PLCXD3: variants seen among roughly 807,000 people sequenced by gnomAD.
PLCXD3 encodes PI-PLC X domain-containing protein 3.
Under a neutral mutation model 25.5 loss-of-function variants are expected in PLCXD3, and 19 were observed. The observed-to-expected ratio is 0.75, with a 90% CI of 0.52 to 1.09. The LOEUF is 1.09. Among genes scored for constraint, PLCXD3 ranks in the 50% least tolerant of loss-of-function variants. PLCXD3 has a pLI of 0.00. For synonymous variants in PLCXD3, 174 were observed against 137.6 expected (o/e 1.26, Z -1.85); for missense variants, 411 against 388.1 (o/e 1.06, Z -0.50).
At chr5:41,470,519 G>A (rs1461506320) in intron 1 of PLCXD3, among the ~76,000 whole-genome samples, 4 of 152,136 alleles carry the variant, frequency 2.6e-5, no homozygotes, top group Admixed American at 2.0e-4. Flanking sequence ...CAACTGGGCA[G>A]GAATTTTTCC....
At chr5:41,317,735 A>G (rs1743344832) in intron 2 of PLCXD3, among the ~76,000 whole-genome samples, 1 of 152,020 alleles carries the variant, frequency 6.6e-6, no homozygotes, top group Non-Finnish European at 1.5e-5. Context: ...ATACTAAAGA[A>G]TGCATCAGAG....
At chr5:41,363,308 A>G (rs1005580921) in intron 2 of PLCXD3, among the ~76,000 whole-genome samples, 3 of 152,180 alleles carry the variant, frequency 2.0e-5, no homozygotes, top group Non-Finnish European at 2.9e-5. Context: ...AAGTACAGTC[A>G]CTAGCATACA....
At chr5:41,366,575 T>C (rs1744942880) in intron 2 of PLCXD3, among the ~76,000 whole-genome samples, 2 of 152,202 alleles carry the variant, frequency 1.3e-5, no homozygotes, top group Admixed American at 1.3e-4. Flanking sequence ...TTCAAACTAT[T>C]TCAACACACA....
At position 41,311,689 on chromosome 5, in the gene PLCXD3, C is replaced by T. The variant is rs148517969; in HGVS notation, c.*1928G>A. On this transcript the variant is annotated 3_prime_UTR_variant, in exon 3 of 3. Transcript: ENST00000377801. ...TTGGTATACCACAGGTACATACACA[C>T]TCCTCATAAACATTCTCTTCAGTAT... The T allele has an allele frequency of 2.1e-4, 32 of 152,264 alleles. No individual in the cohort carries two copies. The highest frequency in any genetic ancestry group is 7.5e-4 in the African/African-American group (31 of 41,562). The allele number at this position is 152,264 out of a possible 1,614,324, so 9.4% of individuals were successfully genotyped here.
chr5:41,393,231 C>T (rs181106638), intron 1 of PLCXD3, among the ~76,000 whole-genome samples: 123 of 152,230 alleles, frequency 8.1e-4, no homozygotes, highest in African/African-American at 2.9e-3. Flanking sequence ...AAAAACTAAG[C>T]AGACTTAACC....
intron 1 of PLCXD3, among the ~76,000 whole-genome samples, chr5:41,493,646 C>A (rs1580401772): frequency 2.0e-5 from 3 of 152,224 alleles, no homozygotes; most frequent in African/African-American, 7.2e-5. Context: ...TGGTGGGCAC[C>A]CCTCCCCCAG....
chr5:41,328,545 C>A (rs908831882), intron 2 of PLCXD3, among the ~76,000 whole-genome samples: 1 of 152,136 alleles, frequency 6.6e-6, no homozygotes, highest in African/African-American at 2.4e-5. Context: ...TTTCCCACTG[C>A]AGCATCTAAA....
chr5:41,397,561 G>T (rs1404497317), intron 1 of PLCXD3, among the ~76,000 whole-genome samples: 2 of 152,198 alleles, frequency 1.3e-5, no homozygotes, highest in Non-Finnish European at 2.9e-5. Flanking sequence ...GAAATGTGGG[G>T]TTGGAGCCAC....
intron 1 of PLCXD3, among the ~76,000 whole-genome samples, chr5:41,486,135 T>C (rs968974784): frequency 2.6e-5 from 4 of 152,156 alleles, no homozygotes; most frequent in African/African-American, 9.7e-5. Flanking sequence ...GAGAAAAGTC[T>C]GGTGATACAA....
chr5:41,338,456 T>C (rs1040178323), intron 2 of PLCXD3, among the ~76,000 whole-genome samples: 9 of 152,126 alleles, frequency 5.9e-5, no homozygotes. Context: ...CGTGCATGCA[T>C]GTGCACACAC....
chr5:41,406,328 A>G (rs986083432), intron 1 of PLCXD3, among the ~76,000 whole-genome samples: 27 of 152,082 alleles, frequency 1.8e-4, no homozygotes, highest in African/African-American at 6.3e-4. Context: ...TATTGATACC[A>G]TCTAATTTGA....
intron 2 of PLCXD3, among the ~76,000 whole-genome samples, chr5:41,327,508 A>G (rs1298661164): frequency 2.6e-5 from 4 of 152,192 alleles, no homozygotes; most frequent in Non-Finnish European, 5.9e-5. Flanking sequence ...GAAACTTCTC[A>G]GATTGCTGTG....
At chr5:41,431,683 A>G (rs1407747188) in intron 1 of PLCXD3, among the ~76,000 whole-genome samples, 1 of 152,188 alleles carries the variant, frequency 6.6e-6, no homozygotes. Flanking sequence ...TTGTTTTCAG[A>G]TTAAATGTGG....
intron 1 of PLCXD3, among the ~76,000 whole-genome samples, chr5:41,406,579 C>G (rs1014638226): frequency 2.0e-5 from 3 of 152,146 alleles, no homozygotes; most frequent in Non-Finnish European, 2.9e-5. Context: ...TGTACTGTGT[C>G]ATGGTAAATA....
At chr5:41,390,835 G>C (rs1269463559) in intron 1 of PLCXD3, among the ~76,000 whole-genome samples, 1 of 152,186 alleles carries the variant, frequency 6.6e-6, no homozygotes, top group Non-Finnish European at 1.5e-5. Flanking sequence ...AAGCAGTGCT[G>C]AATGGCTGAC....
At chr5:41,382,997 T>A (rs1204377731) in intron 1 of PLCXD3, among the ~76,000 whole-genome samples, 2 of 152,088 alleles carry the variant, frequency 1.3e-5, no homozygotes, top group Non-Finnish European at 2.9e-5. Flanking sequence ...TCACAGGCAA[T>A]CAGCATATGA....
chr5:41,342,765 G>A (rs1003947876), intron 2 of PLCXD3, among the ~76,000 whole-genome samples: 13 of 152,054 alleles, frequency 8.5e-5, no homozygotes, highest in African/African-American at 2.7e-4. Context: ...AGAAAAGGAG[G>A]AGCTAATTCA....
At chr5:41,437,971 C>A (rs529205996) in intron 1 of PLCXD3, among the ~76,000 whole-genome samples, 1 of 152,340 alleles carries the variant, frequency 6.6e-6, no homozygotes, top group African/African-American at 2.4e-5. Context: ...CCCAGCCCCT[C>A]TTGGAGCCAT....
chr5:41,386,815 C>T (rs1745650255), intron 1 of PLCXD3, among the ~76,000 whole-genome samples: 1 of 151,984 alleles, frequency 6.6e-6, no homozygotes, highest in Admixed American at 6.6e-5. Context: ...ATTATTCAAA[C>T]TTAAGCAGAC....
Sources: allele counts gnomAD v4.1 joint callset (sites outside exome capture counted in the v4.1 genomes callset), GRCh38; gene constraint gnomAD v4.1.1; transcripts MANE v1.5; gene names NCBI Gene and HGNC (gene_info 2026-07-23, HGNC 2026-07-21).